TMEM132D: variants seen among roughly 807,000 people sequenced by gnomAD.
TMEM132D encodes the protein mature OL transmembrane protein.
TMEM132D carries 21 observed loss-of-function variants against 62.3 expected under a neutral mutation model. That is an observed-to-expected ratio of 0.34 (90% confidence interval 0.24 to 0.49). The LOEUF (loss-of-function observed/expected upper bound fraction) is 0.49, where lower values mean the gene tolerates loss of function less well. Ranked by LOEUF, TMEM132D falls within the 20% of genes least tolerant of loss-of-function variation. TMEM132D has a pLI of 0.99. For missense variants in TMEM132D, 1,346 were observed against 1,402.8 expected (o/e 0.96, Z 0.65); for synonymous variants, 621 against 575.6 (o/e 1.08, Z -1.13).
intron 3 of TMEM132D, among the ~76,000 whole-genome samples, chr12:129,356,318 G>A (rs1870047097): frequency 1.4e-5 from 1 of 69,776 alleles, no homozygotes; most frequent in South Asian, 5.1e-4. Context: ...CACTACGCCC[G>A]GCTAATTTTT....
rs753245505 is a variant in TMEM132D at position 129,074,327 on chromosome 12, C to G, written c.2848G>C (p.Val950Leu). 2.5e-6 allele frequency: 4 copies of G among 1,613,954 alleles called. No homozygotes were observed. Among genetic ancestry groups the G allele is most frequent in the African/African-American group, 2.7e-5 (2 of 74,862 alleles). ...ATCCCTTCCTGCTCCTCGAAGGGAA[C>G]CTGTTTGTGTCTGTATTTTAATGCA... is the stretch of plus-strand genomic sequence containing the variant. Reference protein sequence around the residue: ...TFALKYRHKQVPFEEQEGMSH... With the variant: ...TFALKYRHKQLPFEEQEGMSH... Residue 950 changes from valine to leucine, a missense_variant, in exon 9 of 9, where the codon GTT becomes CTT. Transcript: ENST00000422113.
chr12:129,467,192 A>G (rs1358836574), intron 3 of TMEM132D, among the ~76,000 whole-genome samples: 1 of 152,218 alleles, frequency 6.6e-6, no homozygotes, highest in Non-Finnish European at 1.5e-5. Context: ...TAGACCAAAG[A>G]ATAGTAATTT....
intron 1 of TMEM132D, among the ~76,000 whole-genome samples, chr12:129,872,456 T>C (rs1282092869): frequency 4.6e-5 from 7 of 152,166 alleles, no homozygotes; most frequent in Admixed American, 3.9e-4. Context: ...TGTGGCATTA[T>C]CTCCTCAGCA....
intron 3 of TMEM132D, among the ~76,000 whole-genome samples, chr12:129,385,511 T>C (rs1019143023): frequency 6.6e-6 from 1 of 152,164 alleles, no homozygotes; most frequent in Non-Finnish European, 1.5e-5. Flanking sequence ...AAACAGACTG[T>C]TCATTTACCT....
intron 5 of TMEM132D, among the ~76,000 whole-genome samples, chr12:129,147,250 G>GTATA (rs572406925): frequency 1.4e-5 from 2 of 147,472 alleles, no homozygotes; most frequent in African/African-American, 5.0e-5. Flanking sequence ...ATATGTTTAT[G>GTATA]TATATATACA....
intron 5 of TMEM132D, among the ~76,000 whole-genome samples, chr12:129,096,347 G>T (rs925366497): frequency 6.6e-6 from 1 of 152,112 alleles, no homozygotes; most frequent in Non-Finnish European, 1.5e-5. Context: ...GAGACAGAAG[G>T]TCCATTAGGC....
chr12:129,292,390 A>T (rs904004844), intron 4 of TMEM132D, among the ~76,000 whole-genome samples: 1 of 152,210 alleles, frequency 6.6e-6, no homozygotes, highest in African/African-American at 2.4e-5. Context: ...AAAGATTCTT[A>T]TAGAGAAGAG....
At chr12:129,388,341 C>T (rs866913268) in intron 3 of TMEM132D, among the ~76,000 whole-genome samples, 8 of 94,610 alleles carry the variant, frequency 8.5e-5, no homozygotes, top group African/African-American at 9.5e-5. Flanking sequence ...AACACCGACA[C>T]CAATACTAAC....
At chr12:129,604,528 C>T (rs1288162230) in intron 2 of TMEM132D, among the ~76,000 whole-genome samples, 3 of 152,142 alleles carry the variant, frequency 2.0e-5, no homozygotes, top group Admixed American at 2.0e-4. Flanking sequence ...GCGTTGGATC[C>T]TACAGCAGCT....
rs1428113332 is a variant in TMEM132D at position 129,700,304 on chromosome 12, G to A, written c.474C>T (p.Asp158=). The A allele has an allele frequency of 6.2e-7, 1 of 1,613,638 alleles. No individual in the cohort carries two copies. Among genetic ancestry groups the A allele is most frequent in the African/African-American group, 1.3e-5 (1 of 74,936 alleles). Reference sequence around the variant, plus strand: ...ACGGCAGCTTCTCCCCGGCGCTGCGGTCGTCCCAGTCTCTGCCCATGATGT... The same window carrying A: ...ACGGCAGCTTCTCCCCGGCGCTGCGATCGTCCCAGTCTCTGCCCATGATGT... ...LFHIMGRDWD[D]RSAGEKLPCL... Residue 158 remains aspartate (D), a synonymous_variant, in exon 2 of 9, where the codon GAC becomes GAT. Transcript: ENST00000422113.
intron 2 of TMEM132D, among the ~76,000 whole-genome samples, chr12:129,665,658 C>G (rs893791695): frequency 6.6e-6 from 1 of 152,058 alleles, no homozygotes; most frequent in Non-Finnish European, 1.5e-5. Context: ...TGCAACAAGG[C>G]TAAAAGACAT....
At chr12:129,116,022 G>T (rs1047605073) in intron 5 of TMEM132D, among the ~76,000 whole-genome samples, 1 of 152,208 alleles carries the variant, frequency 6.6e-6, no homozygotes, top group African/African-American at 2.4e-5. Flanking sequence ...AAATGCCTCC[G>T]CAGGCCATCT....
intron 3 of TMEM132D, among the ~76,000 whole-genome samples, chr12:129,339,344 G>C (rs181912437): frequency 0.011 from 740 of 66,252 alleles, 4 homozygotes; most frequent in Middle Eastern, 0.05. Flanking sequence ...AGGGGAAGGA[G>C]GGGGCCGGAG....
chr12:129,344,181 A>T (rs1869607918), intron 3 of TMEM132D, among the ~76,000 whole-genome samples: 1 of 152,090 alleles, frequency 6.6e-6, no homozygotes, highest in Non-Finnish European at 1.5e-5. Flanking sequence ...ACTCGCCCTG[A>T]ATTCTTTCTT....
chr12:129,467,955 G>A (rs532650860), intron 3 of TMEM132D, among the ~76,000 whole-genome samples: 1 of 152,220 alleles, frequency 6.6e-6, no homozygotes, highest in Non-Finnish European at 1.5e-5. Context: ...TGTCCGAAAA[G>A]CATTTCAATA....
intron 1 of TMEM132D, among the ~76,000 whole-genome samples, chr12:129,716,682 TA>T (rs1256084052): frequency 2.8e-4 from 42 of 151,918 alleles, no homozygotes; most frequent in African/African-American, 9.6e-4. Context: ...GTCAGGAAAA[TA>T]AAACAAGAGG....
chr12:129,390,074 G>T (rs1224613520), intron 3 of TMEM132D, among the ~76,000 whole-genome samples: 1 of 152,212 alleles, frequency 6.6e-6, no homozygotes, highest in Non-Finnish European at 1.5e-5. Flanking sequence ...AGAAGACTGT[G>T]TGACAGGGAT....
At chr12:129,789,019 AC>A (rs1239717378) in intron 1 of TMEM132D, among the ~76,000 whole-genome samples, 4 of 152,080 alleles carry the variant, frequency 2.6e-5, no homozygotes, top group Non-Finnish European at 5.9e-5. Flanking sequence ...TTTGCTCTAA[AC>A]CCCGTGGTTG....
Position 129,487,936 on chromosome 12 carries a change from CAAAAAAAAA to C in TMEM132D, c.1115+43114_1115+43122del, listed in dbSNP as rs58079383. ...TGGGCAACAGAGGGAGACTCCATCT[CAAAAAAAAA>C]AAAAAAAAAAAAAAAAAAGAGTGAA... is the stretch of plus-strand genomic sequence containing the variant. On this transcript the variant is annotated intron_variant, in intron 3 of 8. Coordinates refer to ENST00000422113, the MANE Select transcript of TMEM132D (RefSeq NM_133448.3). Among the ~76,000 whole-genome samples, 61 of 54,700 alleles carry C rather than the reference CAAAAAAAAA, an allele frequency of 1.1e-3. 1 individual carries two copies. The highest frequency in any genetic ancestry group is 1.7e-3 in the African/African-American group (21 of 12,286). The allele number at this position is 54,700 out of a possible 152,430, so 35.9% of individuals were successfully genotyped here.
Sources: gnomAD v4.1 joint callset for allele counts (sites outside exome capture counted in the v4.1 genomes callset) on GRCh38, gnomAD v4.1.1 for gene constraint, MANE v1.5 for transcripts, NCBI Gene and HGNC (gene_info 2026-07-23, HGNC 2026-07-21) for gene names.